Variants in NKAIN3 observed in about 807,000 individuals in gnomAD.
NKAIN3 encodes the protein sodium/potassium transporting ATPase interacting 3.
Under a neutral mutation model 30.2 loss-of-function variants are expected in NKAIN3, and 25 were observed. The ratio of observed to expected loss-of-function variants is 0.83; its 90% CI spans 0.60 to 1.16. The LOEUF (loss-of-function observed/expected upper bound fraction) is 1.16. Ranked by LOEUF, NKAIN3 falls within the 50% of genes most tolerant of loss-of-function variation. The probability of loss-of-function intolerance (pLI) is 0.00; values close to 1 mark genes in which losing one functional copy is unlikely to be tolerated. For synonymous variants in NKAIN3, 91 were observed against 89.6 expected (o/e 1.02, Z -0.09); for missense variants, 225 against 254.1 (o/e 0.89, Z 0.78).
chr8:62,854,783 T>C (rs1369818440), intron 4 of NKAIN3, among the ~76,000 whole-genome samples: 2 of 152,230 alleles, frequency 1.3e-5, no homozygotes, highest in Non-Finnish European at 2.9e-5. Context: ...TGTGGTTACT[T>C]CATAGTGTCA....
chr8:62,889,574 C>T (rs1821242537), intron 4 of NKAIN3, among the ~76,000 whole-genome samples: 1 of 152,060 alleles, frequency 6.6e-6, no homozygotes, highest in Non-Finnish European at 1.5e-5. Context: ...ACTGATATGC[C>T]ACTTTTGGAT....
intron 4 of NKAIN3, among the ~76,000 whole-genome samples, chr8:62,916,981 C>A (rs1822125850): frequency 6.6e-6 from 1 of 151,914 alleles, no homozygotes; most frequent in East Asian, 1.9e-4. Flanking sequence ...CTCGGATGAT[C>A]AGCCTCCCTG....
intron 5 of NKAIN3, among the ~76,000 whole-genome samples, chr8:62,952,352 A>G (rs1234831692): frequency 3.3e-5 from 5 of 152,224 alleles, no homozygotes; most frequent in Non-Finnish European, 7.4e-5. Context: ...ACTGCATCCT[A>G]ATAAAGCCAC....
intron 1 of NKAIN3, among the ~76,000 whole-genome samples, chr8:62,402,845 CA>C (rs1346164200): frequency 3.3e-5 from 5 of 152,116 alleles, no homozygotes; most frequent in African/African-American, 4.8e-5. Context: ...AATGTGGAAG[CA>C]ACTTTGGAAC....
At chr8:62,813,386 T>C (rs1818555966) in intron 4 of NKAIN3, among the ~76,000 whole-genome samples, 1 of 151,950 alleles carries the variant, frequency 6.6e-6, no homozygotes, top group Admixed American at 6.6e-5. Flanking sequence ...GAAAAAGTCA[T>C]TGGTATTTTG....
intron 1 of NKAIN3, among the ~76,000 whole-genome samples, chr8:62,499,302 C>T (rs539596931): frequency 1.1e-4 from 17 of 152,202 alleles, no homozygotes; most frequent in South Asian, 2.1e-4. Context: ...GATGGAATGC[C>T]GTTGAATGAT....
rs189815437 is a variant in NKAIN3, at chr8:62,642,485, A to G, written c.273+52691A>G. On this transcript the variant is annotated intron_variant, in intron 3 of 6. Coordinates refer to ENST00000623646, the MANE Select transcript of NKAIN3 (RefSeq NM_001304533.3). The stretch of plus-strand genomic sequence containing the variant: ...ATGTTGGTGCTGACCTCTGACTGCC[A>G]GGTTCTCAAAGGACAGCCTCATTTT... Among the ~76,000 whole-genome samples, 229 of 152,230 alleles carry G rather than the reference A, an allele frequency of 1.5e-3. 1 individual carries two copies. The highest frequency in any genetic ancestry group is 5.0e-3 in the African/African-American group (208 of 41,562).
At chr8:62,849,857 G>A (rs62510772) in intron 4 of NKAIN3, among the ~76,000 whole-genome samples, 1 of 151,916 alleles carries the variant, frequency 6.6e-6, no homozygotes, top group South Asian at 2.1e-4. Context: ...TCTATCATTG[G>A]TGGACATTTG....
At chr8:62,555,492 G>T (rs1809359371) in intron 1 of NKAIN3, among the ~76,000 whole-genome samples, 1 of 151,940 alleles carries the variant, frequency 6.6e-6, no homozygotes, top group South Asian at 2.1e-4. Flanking sequence ...GAAGAAAAAA[G>T]AGTGTGAAAA....
downstream of NKAIN3, among the ~76,000 whole-genome samples, chr8:62,987,090 C>G (rs1334891407): frequency 6.6e-6 from 1 of 152,118 alleles, no homozygotes; most frequent in Non-Finnish European, 1.5e-5. Flanking sequence ...AAAGTGCACT[C>G]AATATATAAT....
chr8:62,395,627 A>T (rs1228862390), intron 1 of NKAIN3, among the ~76,000 whole-genome samples: 6 of 152,204 alleles, frequency 3.9e-5, no homozygotes, highest in Admixed American at 2.0e-4. Context: ...TTTAATAAAG[A>T]TATTTATCCA....
chr8:62,412,980 G>T (rs1172989624), intron 1 of NKAIN3, among the ~76,000 whole-genome samples: 3 of 150,856 alleles, frequency 2.0e-5, no homozygotes, highest in African/African-American at 7.3e-5. Context: ...AAAACATGGG[G>T]AAAGAACATG....
intron 4 of NKAIN3, among the ~76,000 whole-genome samples, chr8:62,781,747 C>G (rs913770612): frequency 6.6e-6 from 1 of 151,780 alleles, no homozygotes; most frequent in Non-Finnish European, 1.5e-5. Flanking sequence ...ATCCCTATCT[C>G]TCACCATATA....
At chr8:62,345,227 C>G (rs1815892870) in intron 1 of NKAIN3, among the ~76,000 whole-genome samples, 1 of 149,388 alleles carries the variant, frequency 6.7e-6, no homozygotes, top group Admixed American at 6.7e-5. Flanking sequence ...GGTGACACAG[C>G]CACCAAAATA....
At chr8:62,532,946 A>C (rs1808532025) in intron 1 of NKAIN3, among the ~76,000 whole-genome samples, 1 of 152,190 alleles carries the variant, frequency 6.6e-6, no homozygotes, top group Non-Finnish European at 1.5e-5. Context: ...TTCTTCTAGA[A>C]TATTCTTTAT....
intron 1 of NKAIN3, among the ~76,000 whole-genome samples, chr8:62,475,503 A>G (rs1806489157): frequency 6.6e-6 from 1 of 152,162 alleles, no homozygotes; most frequent in South Asian, 2.1e-4. Context: ...ACCCAATTAA[A>G]GAGTATGATT....
chr8:62,398,307 G>C (rs563559157), intron 1 of NKAIN3, among the ~76,000 whole-genome samples: 1 of 152,222 alleles, frequency 6.6e-6, no homozygotes, highest in African/African-American at 2.4e-5. Context: ...TGAATTTCCT[G>C]CTGTAACATC....
At chr8:62,826,180 A>G (rs111453848) in intron 4 of NKAIN3, among the ~76,000 whole-genome samples, 3 of 152,192 alleles carry the variant, frequency 2.0e-5, no homozygotes, top group African/African-American at 7.2e-5. Flanking sequence ...CCTAACTTAA[A>G]AGAACAATAG....
chr8:62,601,357 C>A (rs527472951), intron 3 of NKAIN3, among the ~76,000 whole-genome samples: 2 of 151,942 alleles, frequency 1.3e-5, no homozygotes, highest in South Asian at 4.1e-4. Flanking sequence ...TATCTATATT[C>A]AGAAATAGTA....
Sources: allele counts gnomAD v4.1 joint callset (sites outside exome capture counted in the v4.1 genomes callset), GRCh38; gene constraint gnomAD v4.1.1; transcripts MANE v1.5; gene names NCBI Gene and HGNC (gene_info 2026-07-23, HGNC 2026-07-21).